ATP9A: variants seen among roughly 807,000 people sequenced by gnomAD.
ATP9A encodes ATPase phospholipid transporting 9A.
In ATP9A, 52 loss-of-function variants were observed where a neutral mutation model predicts 144.1. That is an observed-to-expected ratio of 0.36 (90% confidence interval 0.29 to 0.45). ATP9A has a LOEUF of 0.45. Ranked by LOEUF, ATP9A falls within the 20% of genes least tolerant of loss-of-function variation. The pLI is 1.00. For synonymous variants in ATP9A, 582 were observed against 557.4 expected (o/e 1.04, Z -0.62); for missense variants, 947 against 1,392.7 (o/e 0.68, Z 5.09).
chr20:51,689,488 T>C (rs773130472), intron 8 of ATP9A, among the ~76,000 whole-genome samples: 1 of 152,028 alleles, frequency 6.6e-6, no homozygotes, highest in African/African-American at 2.4e-5. Flanking sequence ...AGAAAGAGAA[T>C]GTGGACAATG....
chr20:51,701,912 G>C (rs1008630233), intron 4 of ATP9A, among the ~76,000 whole-genome samples: 3 of 152,130 alleles, frequency 2.0e-5, no homozygotes, highest in African/African-American at 7.2e-5. Context: ...CCCAATCCTA[G>C]CACTTTGGGA....
Position 51,601,235 on chromosome 20 carries a change from G to T in ATP9A, c.3120C>A (p.Pro1040=), listed in dbSNP as rs778865003. 1 of 1,613,096 alleles carries T rather than the reference G, an allele frequency of 6.2e-7. No individual in the cohort carries two copies. Residue 1040 remains proline (P), a synonymous_variant, in exon 28 of 28, where the codon CCC becomes CCA. Coordinates refer to ENST00000338821, the MANE Select transcript of ATP9A (RefSeq NM_006045.3). ...LKYLRRRFSP[P]SYSKLTS is the part of the protein sequence containing the mutation. Reference sequence around the variant, plus strand: ...CCTATGATGTGAGCTTTGAGTAGCTGGGGGGAGAGAACCGTCTTCGCAGGT... The same window carrying T: ...CCTATGATGTGAGCTTTGAGTAGCTTGGGGGAGAGAACCGTCTTCGCAGGT...
chr20:51,717,851 G>A (rs375947159), intron 3 of ATP9A, among the ~76,000 whole-genome samples: 3 of 152,116 alleles, frequency 2.0e-5, no homozygotes, highest in African/African-American at 7.2e-5. Context: ...CTACTTAGGG[G>A]GCTGAGGCAG....
intron 1 of ATP9A, among the ~76,000 whole-genome samples, chr20:51,730,538 T>C (rs1048323163): frequency 6.6e-6 from 1 of 152,248 alleles, no homozygotes; most frequent in African/African-American, 2.4e-5. Flanking sequence ...TCTTGCATTG[T>C]TAAGCGACAA....
intron 14 of ATP9A, among the ~76,000 whole-genome samples, chr20:51,656,502 G>A (rs910311351): frequency 3.6e-4 from 55 of 152,028 alleles, no homozygotes; most frequent in African/African-American, 1.2e-3. Flanking sequence ...GTAGTGAGCC[G>A]AGATCACGCC....
rs909285100 is a variant in ATP9A, at chr20:51,596,631, T to G, written c.*4580A>C. ...TGATTTGGGGTTTTTTTTGCCAAAA[T>G]CAAAATAATTTTCTGAACTGGAAAG... is the stretch of plus-strand genomic sequence containing the variant. On this transcript the variant is annotated 3_prime_UTR_variant, in exon 28 of 28. Transcript: ENST00000338821. The G allele has an allele frequency of 6.6e-6, 1 of 151,964 alleles. No homozygotes were observed. Among genetic ancestry groups the G allele is most frequent in the African/African-American group, 2.4e-5 (1 of 41,344 alleles). The allele number at this position is 151,964 out of a possible 1,614,324, so 9.4% of individuals were successfully genotyped here.
rs781222999 is a variant in ATP9A, at chr20:51,729,972, G to A, written c.75C>T (p.Cys25=). 9.1e-6 allele frequency: 14 copies of A among 1,540,010 alleles called. No individual in the cohort carries two copies. Among genetic ancestry groups the A allele is most frequent in the Middle Eastern group, 1.8e-4 (1 of 5,714 alleles). ...RMDSRPRAGC[C]EWLRCCGGGE... ...CTCCACCGCAGCATCTCAGCCACTCGCAGCACCTGTGGGAAAGAAACCCAC... is the reference window on the plus strand; with the variant it reads ...CTCCACCGCAGCATCTCAGCCACTCACAGCACCTGTGGGAAAGAAACCCAC... The change falls in exon 2 of 28, where the codon TGC becomes TGT. Residue 25 remains cysteine, a synonymous_variant. Transcript: ENST00000338821.
At chr20:51,627,779 G>C (rs2077255474) in intron 16 of ATP9A, 96 bp from the exon 17 acceptor site, 2 of 999,204 alleles carry the variant, frequency 2.0e-6, no homozygotes, top group East Asian at 4.9e-5. Context: ...CCCTCCCACA[G>C]GGTCAGAGAA....
chr20:51,765,382 C>G (rs2077899010), intron 1 of ATP9A, among the ~76,000 whole-genome samples: 1 of 152,142 alleles, frequency 6.6e-6, no homozygotes, highest in South Asian at 2.1e-4. Flanking sequence ...TGGCCAGACA[C>G]AGTGGCTCAC....
chr20:51,651,321 AAT>A (rs562067159), intron 14 of ATP9A, among the ~76,000 whole-genome samples: 6 of 131,824 alleles, frequency 4.6e-5, no homozygotes, highest in African/African-American at 1.4e-4. Flanking sequence ...TATATTATAT[AAT>A]ATATATTTAC....
intron 9 of ATP9A, among the ~76,000 whole-genome samples, chr20:51,679,066 G>A (rs2077489321): frequency 6.6e-6 from 1 of 152,192 alleles, no homozygotes; most frequent in Non-Finnish European, 1.5e-5. Flanking sequence ...GCTCATGCCT[G>A]TAATCCCATC....
At chr20:51,751,200 AC>A (rs2077829882) in intron 1 of ATP9A, among the ~76,000 whole-genome samples, 1 of 149,858 alleles carries the variant, frequency 6.7e-6, no homozygotes, top group Non-Finnish European at 1.5e-5. Flanking sequence ...CACCACTTAT[AC>A]CCCCAATGAA....
In ATP9A at chr20:51,600,304, G is replaced by C. The variant is rs999981953; in HGVS notation, c.*907C>G. On this transcript the variant is annotated 3_prime_UTR_variant, in exon 28 of 28. Transcript: ENST00000338821. Reference sequence around the variant, plus strand: ...GGAGGATCTGAGTCACATCTGCCATGTTGCCTAAAGAATTAGTTGAGTCTC... The same window carrying C: ...GGAGGATCTGAGTCACATCTGCCATCTTGCCTAAAGAATTAGTTGAGTCTC... 6.6e-6 allele frequency: 1 copy of C among 152,198 alleles called. No individual in the cohort carries two copies. Among genetic ancestry groups the C allele is most frequent in the African/African-American group, 2.4e-5 (1 of 41,440 alleles). The allele number at this position is 152,198 out of a possible 1,614,324, so 9.4% of individuals were successfully genotyped here. A position where few individuals can be genotyped will look rare whatever the true frequency, so the allele number is the denominator to read the frequency against.
At chr20:51,741,355 C>A (rs990033965) in intron 1 of ATP9A, among the ~76,000 whole-genome samples, 1 of 152,044 alleles carries the variant, frequency 6.6e-6, no homozygotes, top group Non-Finnish European at 1.5e-5. Flanking sequence ...CCGAGGCAGG[C>A]GGATCACGAG....
chr20:51,768,048 G>A (rs932085894), intron 1 of ATP9A, among the ~76,000 whole-genome samples: 1 of 152,152 alleles, frequency 6.6e-6, no homozygotes, highest in African/African-American at 2.4e-5. Flanking sequence ...GCTTCTCGGG[G>A]TTTCTAAAGG....
chr20:51,732,086 T>G (rs76077833), intron 1 of ATP9A, among the ~76,000 whole-genome samples: 35,403 of 151,738 alleles, frequency 0.23, 4,402 homozygotes, highest in Non-Finnish European at 0.26. Context: ...GGTGCCAACA[T>G]CAGCACCCCC....
chr20:51,746,301 T>C (rs1227123743), intron 1 of ATP9A, among the ~76,000 whole-genome samples: 1 of 152,244 alleles, frequency 6.6e-6, no homozygotes, highest in Non-Finnish European at 1.5e-5. Context: ...TACGTAGCCC[T>C]GAACCTAAAA....
chr20:51,704,445 A>C (rs923107588), intron 4 of ATP9A, among the ~76,000 whole-genome samples: 3 of 152,104 alleles, frequency 2.0e-5, no homozygotes, highest in Admixed American at 1.3e-4. Flanking sequence ...AATGAAATTG[A>C]GTACTTTGAA....
intron 1 of ATP9A, among the ~76,000 whole-genome samples, chr20:51,755,960 A>G (rs1185034932): frequency 3.0e-5 from 3 of 98,902 alleles, no homozygotes; most frequent in African/African-American, 1.0e-4. Context: ...ATCTCAAAGA[A>G]AAAAAAAAAA....
Sources: gnomAD v4.1 joint callset for allele counts (sites outside exome capture counted in the v4.1 genomes callset) on GRCh38, gnomAD v4.1.1 for gene constraint, MANE v1.5 for transcripts, NCBI Gene and HGNC (gene_info 2026-07-23, HGNC 2026-07-21) for gene names.